KIF13A: variants seen among roughly 807,000 people sequenced by gnomAD.
KIF13A encodes the protein kinesin-like protein KIF13A.
KIF13A carries 79 observed loss-of-function variants against 212.2 expected under a neutral mutation model. The observed-to-expected ratio is 0.37, with a 90% CI of 0.31 to 0.45. The LOEUF is 0.45. Ranked by LOEUF, KIF13A falls within the 20% of genes least tolerant of loss-of-function variation. The pLI is 1.00. For synonymous variants in KIF13A, 789 were observed against 808.6 expected, an observed-to-expected ratio of 0.98 and a Z score of 0.41; for missense variants, 1,901 against 2,209.0, an observed-to-expected ratio of 0.86 and a Z score of 2.79.
Position 17,892,258 on chromosome 6 carries a change from G to T in KIF13A, c.159+5910C>A, listed in dbSNP as rs1046085043. Among the ~76,000 whole-genome samples, 7 of 152,172 alleles carry T rather than the reference G, an allele frequency of 4.6e-5. No individual in the cohort carries two copies. Among genetic ancestry groups the T allele is most frequent in the African/African-American group, 1.7e-4 (7 of 41,440 alleles). ...TCTCCTATATGCTGTTAGCATCAAA[G>T]TCCTGGTTACTTTATTTCTGTAATG... On this transcript the variant is annotated intron_variant, in intron 3 of 38. Transcript: ENST00000259711. The surrounding 1 kb of genome is among the most constrained non-coding windows in gnomAD (Gnocchi z 4.7).
At position 17,771,708 on chromosome 6, in the gene KIF13A, T is replaced by G. The variant is rs990797480; in HGVS notation, c.4476+200A>C. ...TTGAAAAGCCATAAACACAAAGAAA[T>G]AAAACCACAGCAGCAACAACAAACA... On this transcript the variant is annotated intron_variant, in intron 37 of 38. Transcript: ENST00000259711. The surrounding 1 kb of genome is among the most constrained non-coding windows in gnomAD (Gnocchi z 5.4). 2 of 498,030 alleles carry G rather than the reference T, an allele frequency of 4.0e-6. No homozygotes were observed. Among genetic ancestry groups the G allele is most frequent in the Admixed American group, 3.1e-5 (1 of 31,878 alleles). The allele number at this position is 498,030 out of a possible 1,614,324, so 30.9% of individuals were successfully genotyped here.
At chr6:17,784,367 A>G (rs1760866532) in intron 28 of KIF13A, among the ~76,000 whole-genome samples, 1 of 152,108 alleles carries the variant, frequency 6.6e-6, no homozygotes, top group Non-Finnish European at 1.5e-5. Context: ...GCAGTGCACC[A>G]AGATCGTGCC....
intron 25 of KIF13A, among the ~76,000 whole-genome samples, chr6:17,792,829 C>T (rs1226759194): frequency 1.3e-5 from 2 of 152,296 alleles, no homozygotes; most frequent in African/African-American, 4.8e-5. Context: ...AGAGACTTTG[C>T]CTGAAAGCCA....
rs755572464 is a variant in KIF13A, at chr6:17,837,231, C to T, written c.943-141G>A. The T allele has an allele frequency of 7.9e-5, 63 of 794,418 alleles. No individual in the cohort carries two copies. Among genetic ancestry groups the T allele is most frequent in the Non-Finnish European group, 1.1e-4 (56 of 489,464 alleles). The allele number at this position is 794,418 out of a possible 1,614,324, so 49.2% of individuals were successfully genotyped here. A position where few individuals can be genotyped will look rare whatever the true frequency, so the allele number is the denominator to read the frequency against. ...AAATGGACTTGCATTTCACAAATAA[C>T]GTCATGACAAGATGAAATGTGTCCT... On this transcript the variant is annotated intron_variant, in intron 10 of 38. Coordinates refer to ENST00000259711, the MANE Select transcript of KIF13A (RefSeq NM_022113.6). The surrounding 1 kb of genome is among the most constrained non-coding windows in gnomAD (Gnocchi z 5.4).
In KIF13A at chr6:17,764,761, G is replaced by A. The variant is rs1206202808; in HGVS notation, c.4767C>T (p.Ser1589=). The A allele has an allele frequency of 1.9e-6, 3 of 1,613,028 alleles. No individual in the cohort carries two copies. The highest frequency in any genetic ancestry group is 2.5e-6 in the Non-Finnish European group (3 of 1,179,464). The change falls in exon 39 of 39, where the codon AGC becomes AGT. Residue 1589 remains serine (S), a synonymous_variant. Transcript: ENST00000259711. The surrounding 1 kb of genome is among the most constrained non-coding windows in gnomAD (Gnocchi z 5.1). The stretch of plus-strand genomic sequence containing the variant: ...CACTGGTAATACTGCTGGTGGTAGG[G>A]CTACGGGACACTTCTTTCTCCAAGA... ...SRVLEKEVSR[S]PTTSSITSGY...
intron 17 of KIF13A, chr6:17,815,577 C>A: frequency 2.3e-6 from 1 of 430,100 alleles, no homozygotes; most frequent in Non-Finnish European, 4.8e-6. Flanking sequence ...GTCTTCTGGT[C>A]ACTTCTCACT....
chr6:17,857,160 T>A (rs968041369), intron 4 of KIF13A, among the ~76,000 whole-genome samples: 18 of 152,218 alleles, frequency 1.2e-4, no homozygotes, highest in African/African-American at 4.3e-4. Flanking sequence ...TAGATCTGAT[T>A]TTAGGAGTCT....
intron 2 of KIF13A, among the ~76,000 whole-genome samples, chr6:17,966,954 C>T (rs763799006): frequency 6.6e-5 from 10 of 152,202 alleles, no homozygotes; most frequent in African/African-American, 1.2e-4. Context: ...CTGAGGGAAC[C>T]TGGACTCCAG....
intron 2 of KIF13A, among the ~76,000 whole-genome samples, chr6:17,911,710 A>G (rs1332990504): frequency 6.6e-6 from 1 of 151,516 alleles, no homozygotes; most frequent in Non-Finnish European, 1.5e-5. Context: ...AAAAAAAAAA[A>G]AAGAATTAAT....
chr6:17,898,280 T>C lies in KIF13A; in HGVS notation c.147-100A>G, dbSNP rs1262250751. On this transcript the variant is annotated intron_variant, in intron 2 of 38. Transcript: ENST00000259711. The surrounding 1 kb of genome is among the most constrained non-coding windows in gnomAD (Gnocchi z 5.2). ...AACAATGAAAGAGAAAAAAATAAGG[T>C]AAATTCAGCACCTTGATAACATGAT... is the stretch of plus-strand genomic sequence containing the variant. The C allele has an allele frequency of 8.9e-7, 1 of 1,124,548 alleles. No homozygotes were observed. The highest frequency in any genetic ancestry group is 1.6e-5 in the African/African-American group (1 of 64,384). The allele number at this position is 1,124,548 out of a possible 1,614,324, so 69.7% of individuals were successfully genotyped here.
rs968906473 is a variant in KIF13A at position 17,912,178 on chromosome 6, C to T, written c.147-13998G>A. On this transcript the variant is annotated intron_variant, in intron 2 of 38. Transcript: ENST00000259711. The surrounding 1 kb of genome is among the most constrained non-coding windows in gnomAD (Gnocchi z 4.2). ...CCCATTCTCCATGATGTGATTATTA[C>T]GCATTGCATGCCTACATCAAAACAT... Among the ~76,000 whole-genome samples the T allele has an allele frequency of 6.6e-6, 1 of 152,130 alleles. No homozygotes were observed. The highest frequency in any genetic ancestry group is 2.4e-5 in the African/African-American group (1 of 41,420).
intron 2 of KIF13A, among the ~76,000 whole-genome samples, chr6:17,964,634 T>A (rs1404004243): frequency 6.6e-6 from 1 of 152,216 alleles, no homozygotes; most frequent in African/African-American, 2.4e-5. Flanking sequence ...GCACCAATGC[T>A]GCTTTCTCGA....
intron 3 of KIF13A, among the ~76,000 whole-genome samples, chr6:17,877,822 A>T (rs1363746274): frequency 6.6e-6 from 1 of 152,062 alleles, no homozygotes; most frequent in East Asian, 1.9e-4. Context: ...TTTCAACCTC[A>T]TTCTGTGCTG....
rs71002286 is a variant in KIF13A, at chr6:17,927,138, C to CA, written c.147-28959dup. On this transcript the variant is annotated intron_variant, in intron 2 of 38. Transcript: ENST00000259711. ...TGGGCAACAGAGCAAGACTCTGTCT[C>CA]AAAAAAAAAAAAAAGTGAATGCAGG... Among the ~76,000 whole-genome samples the CA allele has an allele frequency of 3.4e-3, 490 of 143,868 alleles. 3 individuals carry two copies. Among genetic ancestry groups the CA allele is most frequent in the African/African-American group, 0.011 (422 of 38,816 alleles). The allele number at this position is 143,868 out of a possible 152,430, so 94.4% of individuals were successfully genotyped here.
intron 38 of KIF13A, among the ~76,000 whole-genome samples, chr6:17,766,219 G>GATTGATTGATTTATTTATTT (rs1554158989): frequency 1.7e-4 from 25 of 144,656 alleles, no homozygotes; most frequent in African/African-American, 6.2e-4. Context: ...TTATTTTTAA[G>GATTGATTGATTTATTTATTT]ATTTATTTAT....
Position 17,968,256 on chromosome 6 carries a change from C to A in KIF13A, c.146+18798G>T, listed in dbSNP as rs563313118. Among the ~76,000 whole-genome samples the A allele has an allele frequency of 6.6e-6, 1 of 152,322 alleles. No individual in the cohort carries two copies. The highest frequency in any genetic ancestry group is 1.5e-5 in the Non-Finnish European group (1 of 68,022). On this transcript the variant is annotated intron_variant, in intron 2 of 38. Transcript: ENST00000259711. This position sits in a 1 kb window ranked among gnomAD's most constrained non-coding sequence, Gnocchi z 4.7. Reference sequence around the variant, plus strand: ...AGAGTAAGCAGGCCAGCAGCCCTGCCACTCACAGGGCTGTCCCAGATTCAC... The same window carrying A: ...AGAGTAAGCAGGCCAGCAGCCCTGCAACTCACAGGGCTGTCCCAGATTCAC...
chr6:17,819,255 T>A (rs1458606198), intron 16 of KIF13A, among the ~76,000 whole-genome samples: 1 of 152,130 alleles, frequency 6.6e-6, no homozygotes, highest in African/African-American at 2.4e-5. Flanking sequence ...ATATATCACT[T>A]AAAAAGCTGA....
chr6:17,872,169 G>A lies in KIF13A; in HGVS notation c.220+1208C>T, dbSNP rs942206949. Among the ~76,000 whole-genome samples the A allele has an allele frequency of 1.3e-5, 2 of 152,180 alleles. No individual in the cohort carries two copies. The highest frequency in any genetic ancestry group is 2.4e-5 in the African/African-American group (1 of 41,440). ...GAAGGAATTCTCCTAGTCCAAGATTGTTAACTCTTGAAAAAATTATGTTAT... is the reference window on the plus strand; with the variant it reads ...GAAGGAATTCTCCTAGTCCAAGATTATTAACTCTTGAAAAAATTATGTTAT... On this transcript the variant is annotated intron_variant, in intron 4 of 38. Transcript: ENST00000259711. The surrounding 1 kb of genome is among the most constrained non-coding windows in gnomAD (Gnocchi z 4.7).
intron 12 of KIF13A, among the ~76,000 whole-genome samples, 166 bp downstream of exon 12, chr6:17,833,795 G>A (rs1449027013): frequency 1.4e-5 from 2 of 145,452 alleles, no homozygotes; most frequent in Non-Finnish European, 3.0e-5. Flanking sequence ...GGTGGAGGTT[G>A]CAGTGAGTCG....
Sources: allele counts gnomAD v4.1 joint callset (sites outside exome capture counted in the v4.1 genomes callset), GRCh38; gene constraint gnomAD v4.1.1; non-coding constraint Gnocchi (gnomAD v3.1); transcripts MANE v1.5; gene names NCBI Gene and HGNC (gene_info 2026-07-23, HGNC 2026-07-21).